ZNF429: variants seen among roughly 807,000 people sequenced by gnomAD.
The protein encoded by ZNF429 is zinc finger protein 429.
ZNF429 carries 53 observed loss-of-function variants against 56.8 expected under a neutral mutation model. The observed-to-expected ratio is 0.93, with a 90% CI of 0.75 to 1.17. ZNF429 has a LOEUF of 1.17. ZNF429 is among the 50% of genes most tolerant of loss of function. ZNF429 has a pLI of 0.00. For synonymous variants in ZNF429, 278 were observed against 264.7 expected (o/e 1.05, Z -0.49); for missense variants, 849 against 788.4 (o/e 1.08, Z -0.92).
intron 3 of ZNF429, among the ~76,000 whole-genome samples, chr19:21,531,766 A>G: frequency 6.6e-6 from 1 of 151,592 alleles, no homozygotes; most frequent in South Asian, 2.1e-4. Flanking sequence ...AGCTCATGCC[A>G]CTGCACTCCA....
At chr19:21,526,735 GTAAA>G (rs896161004) in intron 1 of ZNF429, among the ~76,000 whole-genome samples, 1 of 152,014 alleles carries the variant, frequency 6.6e-6, no homozygotes, top group African/African-American at 2.4e-5. Context: ...AATTTTTTTT[GTAAA>G]TAAATAATTT....
intron 1 of ZNF429, among the ~76,000 whole-genome samples, chr19:21,515,240 C>CTTTTTTTTTTTT (rs35926199): frequency 7.8e-6 from 1 of 128,132 alleles, no homozygotes. Flanking sequence ...TGTGCCTGGC[C>CTTTTTTTTTTTT]TTTTTTTTTT....
In ZNF429 at chr19:21,537,466, T is replaced by A; in HGVS notation, c.1413T>A (p.His471Gln). The A allele has an allele frequency of 6.2e-7, 1 of 1,613,404 alleles. No individual in the cohort carries two copies. The highest frequency in any genetic ancestry group is 1.1e-5 in the South Asian group (1 of 91,058). ...AFNRSSHLTS[H>Q]RRIHTGEKPY... ...ACCGGTCCTCACACCTTACTAGCCA[T>A]AGGAGAATTCATACTGGAGAGAAAC... The change falls in exon 4 of 4, where the codon CAT becomes CAA. Residue 471 changes from histidine (H) to glutamine (Q), a missense_variant. Transcript: ENST00000358491.
intron 1 of ZNF429, chr19:21,518,785 C>T (rs1454728910): frequency 2.1e-5 from 3 of 143,752 alleles, no homozygotes; most frequent in African/African-American, 7.7e-5. Context: ...GTCTCGATCT[C>T]CTGACATCGT....
chr19:21,528,057 G>T (rs2033231741), intron 1 of ZNF429, among the ~76,000 whole-genome samples: 1 of 152,016 alleles, frequency 6.6e-6, no homozygotes, highest in Non-Finnish European at 1.5e-5. Flanking sequence ...CTACATACCA[G>T]ATCTTTCTCT....
At chr19:21,522,908 A>G (rs1233084251) in intron 1 of ZNF429, among the ~76,000 whole-genome samples, 1 of 152,056 alleles carries the variant, frequency 6.6e-6, no homozygotes, top group Non-Finnish European at 1.5e-5. Flanking sequence ...AAAAAAAAAA[A>G]AGTGTATACT....
Position 21,537,014 on chromosome 19 carries a change from G to A in ZNF429, c.961G>A (p.Ala321Thr). 2 of 1,613,954 alleles carry A rather than the reference G, an allele frequency of 1.2e-6. No homozygotes were observed. Among genetic ancestry groups the A allele is most frequent in the Non-Finnish European group, 1.7e-6 (2 of 1,179,962 alleles). ...KPYKCKECGK[A>T]FNRSSTLTSH... The stretch of plus-strand genomic sequence containing the variant: ...CTACAAATGTAAAGAATGTGGCAAA[G>A]CCTTTAACCGGTCCTCAACCCTTAC... Residue 321 changes from alanine (A) to threonine (T), a missense_variant, in exon 4 of 4, where the codon GCC (alanine) becomes ACC (threonine). Transcript: ENST00000358491.
At position 21,530,641 on chromosome 19, in the gene ZNF429, A is replaced by T. The variant is rs755129739; in HGVS notation, c.183A>T (p.Glu61Asp). The T allele has an allele frequency of 3.1e-6, 5 of 1,612,652 alleles. No homozygotes were observed. The South Asian group carries it at 3.3e-5, about 11-fold the overall frequency. Residue 61 changes from glutamate to aspartate, a missense_variant, in exon 3 of 4, where the codon GAA becomes GAT. Transcript: ENST00000358491. ...DLITCLEKEK[E>D]PCKMKRHEMV... Reference sequence around the variant, plus strand: ...TCACTTGTCTAGAGAAAGAAAAAGAACCCTGCAAGATGAAGCGACATGAAA... The same window carrying T: ...TCACTTGTCTAGAGAAAGAAAAAGATCCCTGCAAGATGAAGCGACATGAAA...
chr19:21,535,765 T>C, intron 3 of ZNF429, among the ~76,000 whole-genome samples: 1 of 151,812 alleles, frequency 6.6e-6, no homozygotes, highest in Admixed American at 6.6e-5. Context: ...CTGCCCGCCT[T>C]GGCCTCCAAA....
Position 21,537,457 on chromosome 19 carries a change from T to A in ZNF429, c.1404T>A (p.Leu468=). The A allele has an allele frequency of 6.2e-7, 1 of 1,613,756 alleles. No homozygotes were observed. The highest frequency in any genetic ancestry group is 8.5e-7 in the Non-Finnish European group (1 of 1,179,914). ...CGKAFNRSSH[L]TSHRRIHTGE... is the part of the protein sequence containing the mutation. Reference sequence around the variant, plus strand: ...AAGCTTTTAACCGGTCCTCACACCTTACTAGCCATAGGAGAATTCATACTG... The same window carrying A: ...AAGCTTTTAACCGGTCCTCACACCTAACTAGCCATAGGAGAATTCATACTG... The change falls in exon 4 of 4, where the codon CTT becomes CTA. Residue 468 remains leucine (L), a synonymous_variant. Transcript: ENST00000358491.
Position 21,537,886 on chromosome 19 carries a change from TA to T in ZNF429, c.1835del (p.Lys612ArgfsTer72). ...FNRSSRLTQH[K>X]KIHTREKPYK... is the part of the protein sequence containing the mutation. The stretch of plus-strand genomic sequence containing the variant: ...ATCGGTCCTCAAGACTTACTCAACA[TA>T]AGAAAATTCATACTAGAGAGAAACC... On this transcript the variant is annotated frameshift_variant, in exon 4 of 4. Transcript: ENST00000358491. LOFTEE classifies it high-confidence loss of function. 1.9e-6 allele frequency: 3 copies of T among 1,613,998 alleles called. No homozygotes were observed. The South Asian group carries it at 3.3e-5, about 18-fold the overall frequency.
chr19:21,535,000 T>C, intron 3 of ZNF429, among the ~76,000 whole-genome samples: 2 of 149,802 alleles, frequency 1.3e-5, no homozygotes, highest in African/African-American at 2.4e-5. Context: ...TTCTTTTTTT[T>C]TTTTTTTTAG....
chr19:21,516,157 C>T (rs1356550660), intron 1 of ZNF429, among the ~76,000 whole-genome samples: 3 of 152,090 alleles, frequency 2.0e-5, no homozygotes, highest in Non-Finnish European at 2.9e-5. Context: ...CAACCTCTGC[C>T]TCCTGGGTTC....
At chr19:21,530,765 T>C in intron 3 of ZNF429, 81 bp downstream of exon 3, 1 of 1,039,792 alleles carries the variant, frequency 9.6e-7, no homozygotes, top group Non-Finnish European at 1.4e-6. Flanking sequence ...ACAATGTGAT[T>C]TGGGAAGCTA....
At chr19:21,519,192 G>A (rs181533331) in intron 1 of ZNF429, among the ~76,000 whole-genome samples, 2 of 152,328 alleles carry the variant, frequency 1.3e-5, no homozygotes, top group South Asian at 2.1e-4. Context: ...CCTAGAGGCA[G>A]TAACAGGCAC....
intron 3 of ZNF429, among the ~76,000 whole-genome samples, chr19:21,532,134 C>T: frequency 2.3e-4 from 34 of 148,496 alleles, no homozygotes; most frequent in East Asian, 2.0e-3. Context: ...TTTAAAAAGA[C>T]GTAAATTTTA....
At chr19:21,516,549 G>A (rs1017394890) in intron 1 of ZNF429, among the ~76,000 whole-genome samples, 1 of 152,132 alleles carries the variant, frequency 6.6e-6, no homozygotes, top group Non-Finnish European at 1.5e-5. Context: ...TTATTTTAAT[G>A]ATACTGATTT....
At chr19:21,510,081 GTATTTT>G (rs563919313) in intron 1 of ZNF429, among the ~76,000 whole-genome samples, 1 of 152,146 alleles carries the variant, frequency 6.6e-6, no homozygotes, top group South Asian at 2.1e-4. Context: ...GCTGACATTT[GTATTTT>G]TAGTAGAGGC....
chr19:21,538,618 AAAAG>A lies in ZNF429; in HGVS notation c.*548_*551del, dbSNP rs2033815257. 2 of 152,116 alleles carry A rather than the reference AAAAG, an allele frequency of 1.3e-5. No homozygotes were observed. Among genetic ancestry groups the A allele is most frequent in the African/African-American group, 4.8e-5 (2 of 41,336 alleles). 9.4% of individuals were successfully genotyped at this position (152,116 alleles called of 1,614,324 possible). On this transcript the variant is annotated 3_prime_UTR_variant, in exon 4 of 4. Transcript: ENST00000358491. Reference sequence around the variant, plus strand: ...CTGTCTAAAAAATATATAAATAAATAAAAGAAAGAAAATTCATAGTAGAGAGAAA... The same window carrying A: ...CTGTCTAAAAAATATATAAATAAATAAAAGAAAATTCATAGTAGAGAGAAA...
Sources: allele counts gnomAD v4.1 joint callset (sites outside exome capture counted in the v4.1 genomes callset), GRCh38; gene constraint gnomAD v4.1.1; transcripts MANE v1.5; gene names NCBI Gene and HGNC (gene_info 2026-07-23, HGNC 2026-07-21).